Variants in ADGRL3 observed in about 807,000 individuals in gnomAD.
ADGRL3 encodes adhesion G protein-coupled receptor L3.
ADGRL3 carries 62 observed loss-of-function variants against 153.5 expected under a neutral mutation model. The observed-to-expected ratio is 0.40, with a 90% CI of 0.33 to 0.50. The LOEUF (loss-of-function observed/expected upper bound fraction) is 0.50. ADGRL3 is among the 20% of genes least tolerant of loss of function. The probability of loss-of-function intolerance (pLI) is 0.47; values close to 1 mark genes in which losing one functional copy is unlikely to be tolerated. For synonymous variants in ADGRL3, 710 were observed against 672.5 expected (o/e 1.06, Z -0.86); for missense variants, 1,641 against 1,859.4 (o/e 0.88, Z 2.16).
intron 9 of ADGRL3, among the ~76,000 whole-genome samples, chr4:61,837,581 G>T (rs1042995071): frequency 6.6e-6 from 1 of 152,086 alleles, no homozygotes; most frequent in African/African-American, 2.4e-5. Context: ...CTCAGAGTCG[G>T]TATGTTCTCT....
chr4:61,309,846 T>C (rs922535766), intron 1 of ADGRL3, among the ~76,000 whole-genome samples: 8 of 152,116 alleles, frequency 5.3e-5, no homozygotes, highest in African/African-American at 1.9e-4. Flanking sequence ...TGGGGGGTTT[T>C]GTTCTTTGCT....
At chr4:61,600,238 G>A (rs1490533968) in intron 5 of ADGRL3, among the ~76,000 whole-genome samples, 1 of 137,378 alleles carries the variant, frequency 7.3e-6, no homozygotes, top group Non-Finnish European at 1.5e-5. Flanking sequence ...GACCTGGGAG[G>A]CAGAGGTTGC....
intron 4 of ADGRL3, among the ~76,000 whole-genome samples, chr4:61,562,434 C>T (rs1175665682): frequency 6.6e-6 from 1 of 152,142 alleles, no homozygotes; most frequent in East Asian, 1.9e-4. Context: ...GCATGTGACC[C>T]ACAGAAGAAC....
In ADGRL3 at chr4:61,639,031, T is replaced by A. The variant is rs578069942; in HGVS notation, c.474-37795T>A. On this transcript the variant is annotated intron_variant, in intron 5 of 26. Coordinates refer to ENST00000683033, the MANE Select transcript of ADGRL3 (RefSeq NM_001387552.1). ...ACCACATTTCCTAAGCCAGTCAGAC[T>A]GTACTCCCACATCCCTCAACAAAAC... is the stretch of plus-strand genomic sequence containing the variant. Among the ~76,000 whole-genome samples the A allele has an allele frequency of 3.3e-5, 5 of 152,282 alleles. No individual in the cohort carries two copies. In the East Asian group the frequency reaches 9.7e-4, roughly 29 times the overall value.
At chr4:61,365,679 C>T (rs1207990097) in intron 1 of ADGRL3, among the ~76,000 whole-genome samples, 1 of 152,226 alleles carries the variant, frequency 6.6e-6, no homozygotes, top group African/African-American at 2.4e-5. Flanking sequence ...TCTCTGCAGG[C>T]AAATCTCTGA....
chr4:61,598,817 T>G (rs1033042655), intron 5 of ADGRL3, among the ~76,000 whole-genome samples: 1 of 152,168 alleles, frequency 6.6e-6, no homozygotes, highest in East Asian at 1.9e-4. Context: ...ATGACTATAT[T>G]TTATCCATTT....
chr4:61,821,915 A>G (rs889133350), intron 9 of ADGRL3, among the ~76,000 whole-genome samples: 5 of 152,314 alleles, frequency 3.3e-5, no homozygotes, highest in African/African-American at 7.2e-5. Context: ...AAGATTTACT[A>G]TTACAAATTG....
intron 5 of ADGRL3, among the ~76,000 whole-genome samples, chr4:61,589,754 G>T (rs2098961828): frequency 6.6e-6 from 1 of 152,072 alleles, no homozygotes; most frequent in Admixed American, 6.6e-5. Flanking sequence ...TCTAGGCAAG[G>T]AGAGATATGA....
intron 17 of ADGRL3, among the ~76,000 whole-genome samples, chr4:61,952,903 T>G (rs1460655311): frequency 7.9e-5 from 12 of 152,228 alleles, no homozygotes; most frequent in Admixed American, 7.9e-4. Context: ...ACCACTATTG[T>G]GTGTCAACAA....
At chr4:61,578,844 AT>A (rs1384994461) in intron 4 of ADGRL3, among the ~76,000 whole-genome samples, 2 of 152,098 alleles carry the variant, frequency 1.3e-5, no homozygotes, top group African/African-American at 4.8e-5. Flanking sequence ...CTGCTTTATA[AT>A]GTTTTAAGCT....
intron 1 of ADGRL3, among the ~76,000 whole-genome samples, chr4:61,207,344 C>T: frequency 6.6e-6 from 1 of 152,148 alleles, no homozygotes; most frequent in Non-Finnish European, 1.5e-5. Context: ...TGATGGTTTT[C>T]AGCTTCATCC....
chr4:61,893,866 C>T (rs1419566662), intron 10 of ADGRL3, among the ~76,000 whole-genome samples: 1 of 151,884 alleles, frequency 6.6e-6, no homozygotes, highest in East Asian at 1.9e-4. Flanking sequence ...CACCACCATG[C>T]CCGGCTAATT....
At chr4:61,340,022 C>T (rs1254763025) in intron 1 of ADGRL3, among the ~76,000 whole-genome samples, 2 of 152,146 alleles carry the variant, frequency 1.3e-5, no homozygotes, top group Non-Finnish European at 2.9e-5. Flanking sequence ...GCCCTGGCGG[C>T]TGTGTAAAGA....
intron 4 of ADGRL3, 61 bp from the exon 5 acceptor site, chr4:61,587,164 CAT>C: frequency 1.9e-6 from 2 of 1,056,458 alleles, no homozygotes; most frequent in Non-Finnish European, 2.8e-6. Flanking sequence ...AAAGCGAACA[CAT>C]GTAATTTTCC....
chr4:61,634,574 A>G (rs2150070458), intron 5 of ADGRL3, among the ~76,000 whole-genome samples: 1 of 152,304 alleles, frequency 6.6e-6, no homozygotes, highest in South Asian at 2.1e-4. Flanking sequence ...AACTATATGC[A>G]AGCCCTAGAA....
chr4:61,381,879 A>G (rs2096673101), intron 1 of ADGRL3, among the ~76,000 whole-genome samples: 1 of 151,936 alleles, frequency 6.6e-6, no homozygotes, highest in Admixed American at 6.6e-5. Flanking sequence ...ATGAACTTGA[A>G]TTGTTCTTGT....
chr4:61,792,348 T>A (rs2097353333), intron 8 of ADGRL3, among the ~76,000 whole-genome samples: 1 of 152,138 alleles, frequency 6.6e-6, no homozygotes, highest in South Asian at 2.1e-4. Context: ...TTGCTCCAAT[T>A]CCCAACAAGT....
intron 1 of ADGRL3, among the ~76,000 whole-genome samples, chr4:61,351,814 G>A (rs1257587306): frequency 2.0e-5 from 3 of 151,952 alleles, no homozygotes; most frequent in Non-Finnish European, 2.9e-5. Context: ...GCACCCAGTC[G>A]CCCAAGAGCT....
At chr4:61,627,155 T>TA (rs1295058631) in intron 5 of ADGRL3, among the ~76,000 whole-genome samples, 1 of 152,204 alleles carries the variant, frequency 6.6e-6, no homozygotes, top group Non-Finnish European at 1.5e-5. Flanking sequence ...AACGTTGTAT[T>TA]ACTAGTATTT....
Sources: allele counts gnomAD v4.1 joint callset (sites outside exome capture counted in the v4.1 genomes callset), GRCh38; gene constraint gnomAD v4.1.1; transcripts MANE v1.5; gene names NCBI Gene and HGNC (gene_info 2026-07-23, HGNC 2026-07-21).